Variants in ACSS3 observed in about 807,000 individuals in gnomAD.
ACSS3 encodes the protein acyl-CoA synthetase short-chain family member 3, mitochondrial.
A neutral mutation model predicts 84.2 loss-of-function variants in ACSS3; 64 were observed. That is an observed-to-expected ratio of 0.76 (90% CI 0.62 to 0.94). The LOEUF (loss-of-function observed/expected upper bound fraction) is 0.94, where lower values mean the gene tolerates loss of function less well. ACSS3 is among the 40% of genes least tolerant of loss of function. ACSS3 has a pLI of 0.00. For missense variants in ACSS3, 815 were observed against 867.6 expected (o/e 0.94, Z 0.76); for synonymous variants, 317 against 310.1 (o/e 1.02, Z -0.23).
intron 3 of ACSS3, among the ~76,000 whole-genome samples, chr12:81,136,007 C>T (rs1273306422): frequency 6.6e-6 from 1 of 152,086 alleles, no homozygotes; most frequent in African/African-American, 2.4e-5. Flanking sequence ...TAAGCTCCTG[C>T]TATGTTCCTG....
chr12:81,090,305 T>A (rs970674389), intron 1 of ACSS3, among the ~76,000 whole-genome samples: 1 of 152,026 alleles, frequency 6.6e-6, no homozygotes, highest in Non-Finnish European at 1.5e-5. Flanking sequence ...TTGGCAAAAA[T>A]GCTCAATGCT....
At chr12:81,172,646 A>G (rs1318930429) in intron 7 of ACSS3, among the ~76,000 whole-genome samples, 3 of 152,184 alleles carry the variant, frequency 2.0e-5, no homozygotes. Flanking sequence ...AAAAACCACC[A>G]AAACAAAGCA....
At chr12:81,120,887 G>T (rs867230014) in intron 2 of ACSS3, among the ~76,000 whole-genome samples, 2 of 152,076 alleles carry the variant, frequency 1.3e-5, no homozygotes, top group Admixed American at 6.5e-5. Flanking sequence ...ACTTTATCAT[G>T]TATAGGTTTT....
chr12:81,181,747 C>CAAAAAAAAAAAAAAAAAAAAAAAAAAA, intron 8 of ACSS3, among the ~76,000 whole-genome samples: 1 of 47,910 alleles, frequency 2.1e-5, no homozygotes, highest in Non-Finnish European at 3.6e-5. Context: ...ATCAATTAAG[C>CAAAAAAAAAAAAAAAAAAAAAAAAAAA]AAAAAAAAAA....
chr12:81,227,939 T>C (rs1436106970), intron 11 of ACSS3, among the ~76,000 whole-genome samples: 1 of 151,772 alleles, frequency 6.6e-6, no homozygotes, highest in Non-Finnish European at 1.5e-5. Context: ...CCCAGCACCA[T>C]GTGTCATATT....
intron 5 of ACSS3, among the ~76,000 whole-genome samples, chr12:81,151,466 A>G (rs999495439): frequency 3.9e-5 from 6 of 152,218 alleles, no homozygotes; most frequent in African/African-American, 1.2e-4. Context: ...TTTGAGGTGT[A>G]TAACTACATT....
At chr12:81,209,762 G>T (rs1378006867) in intron 9 of ACSS3, among the ~76,000 whole-genome samples, 3 of 152,148 alleles carry the variant, frequency 2.0e-5, no homozygotes, top group Non-Finnish European at 4.4e-5. Flanking sequence ...TAGACAAGGG[G>T]TGGATGTTTT....
rs78795206 is a variant in ACSS3 at position 81,209,310 on chromosome 12, T to A, written c.1355-7591T>A. On this transcript the variant is annotated intron_variant, in intron 9 of 15. Transcript: ENST00000548058. ...TTTGTTAACTACATGCACTTTTTTT[T>A]TGAGACTTGCACTAAATCTTTTTAA... Among the ~76,000 whole-genome samples the A allele has an allele frequency of 5.3e-5, 8 of 152,226 alleles. No homozygotes were observed. The East Asian group carries it at 1.5e-3, about 29-fold the overall frequency.
intron 9 of ACSS3, among the ~76,000 whole-genome samples, chr12:81,216,090 T>G (rs1201455861): frequency 2.0e-5 from 3 of 151,958 alleles, no homozygotes; most frequent in Non-Finnish European, 4.4e-5. Flanking sequence ...GTGTAGCTCT[T>G]AGGAAATTAG....
In ACSS3 at chr12:81,258,470, G is replaced by C. The variant is rs2034426337; in HGVS notation, c.*3548G>C. ...CAGAAAATCAGCAGTTAGATAAATG[G>C]TATTATTAAATAGGCTTTACTTTGA... On this transcript the variant is annotated 3_prime_UTR_variant, in exon 16 of 16. Transcript: ENST00000548058. 2 of 151,784 alleles carry C rather than the reference G, an allele frequency of 1.3e-5. No individual in the cohort carries two copies. Among genetic ancestry groups the C allele is most frequent in the Non-Finnish European group, 1.5e-5 (1 of 67,954 alleles). 9.4% of individuals were successfully genotyped at this position (151,784 alleles called of 1,614,324 possible). A position where few individuals can be genotyped will look rare whatever the true frequency, so the allele number is the denominator to read the frequency against.
At chr12:81,187,082 C>T (rs1161295371) in intron 8 of ACSS3, among the ~76,000 whole-genome samples, 1 of 151,772 alleles carries the variant, frequency 6.6e-6, no homozygotes, top group African/African-American at 2.4e-5. Context: ...GGAGACACTA[C>T]GTTGTTAAAT....
At chr12:81,245,901 G>A (rs2033969081) in intron 13 of ACSS3, among the ~76,000 whole-genome samples, 1 of 151,976 alleles carries the variant, frequency 6.6e-6, no homozygotes, top group South Asian at 2.1e-4. Flanking sequence ...TCCCTCTTTG[G>A]TTCACAAAAC....
intron 11 of ACSS3, 129 bp from the exon 12 acceptor site, chr12:81,230,928 T>G: frequency 1.4e-6 from 1 of 730,690 alleles, no homozygotes; most frequent in Non-Finnish European, 2.3e-6. Context: ...GTCCAGCAGA[T>G]TTAGGGGTTA....
rs2031930169 is a variant in ACSS3, at chr12:81,198,236, T to A, written c.1251-1105T>A. ...TGTTTAAATACCTAAAAATTTCATG[T>A]ACTTTGATTGGTCTTGGGATTATAA... On this transcript the variant is annotated intron_variant, in intron 8 of 15. Transcript: ENST00000548058. Among the ~76,000 whole-genome samples the A allele has an allele frequency of 2.0e-5, 3 of 152,148 alleles. No homozygotes were observed. In the South Asian group the frequency reaches 6.2e-4, roughly 32 times the overall value.
intron 1 of ACSS3, among the ~76,000 whole-genome samples, chr12:81,079,074 C>G (rs756846509): frequency 1.1e-4 from 16 of 152,040 alleles, no homozygotes; most frequent in Non-Finnish European, 2.2e-4. Flanking sequence ...TGGATCAGAT[C>G]CATAGGCCTG....
At chr12:81,248,370 G>T (rs2136008562) in intron 13 of ACSS3, among the ~76,000 whole-genome samples, 1 of 152,072 alleles carries the variant, frequency 6.6e-6, no homozygotes, top group South Asian at 2.1e-4. Context: ...ATAATACTTG[G>T]CCATAAAGAA....
At chr12:81,233,569 C>T in intron 13 of ACSS3, 98 bp downstream of exon 13, 1 of 1,444,518 alleles carries the variant, frequency 6.9e-7, no homozygotes, top group Non-Finnish European at 9.4e-7. Flanking sequence ...AATTACCACA[C>T]CCTTCATTTG....
intron 8 of ACSS3, among the ~76,000 whole-genome samples, chr12:81,184,706 C>T (rs974903794): frequency 9.2e-5 from 14 of 151,468 alleles, no homozygotes; most frequent in Non-Finnish European, 1.8e-4. Flanking sequence ...ATATAAGCTA[C>T]CAATATTAAG....
chr12:81,213,609 C>T (rs1593203302), intron 9 of ACSS3, among the ~76,000 whole-genome samples: 1 of 20,740 alleles, frequency 4.8e-5, no homozygotes, highest in Admixed American at 4.7e-4. Context: ...CCCCTCCCCT[C>T]CCCTCCCCTC....
Sources: gnomAD v4.1 joint callset for allele counts (sites outside exome capture counted in the v4.1 genomes callset) on GRCh38, gnomAD v4.1.1 for gene constraint, MANE v1.5 for transcripts, NCBI Gene and HGNC (gene_info 2026-07-23, HGNC 2026-07-21) for gene names.